Variants in EPHA10 observed in about 807,000 individuals in gnomAD.
EPHA10 encodes ephrin type-A receptor 10.
EPHA10 carries 120 observed loss-of-function variants against 109.7 expected under a neutral mutation model. That is an observed-to-expected ratio of 1.09 (90% confidence interval 0.94 to 1.27). The LOEUF is 1.27. Among genes scored for constraint, EPHA10 ranks in the 50% most tolerant of loss-of-function variants. The pLI is 0.00. For synonymous variants in EPHA10, 640 were observed against 618.9 expected (o/e 1.03, Z -0.51); for missense variants, 1,396 against 1,411.1 (o/e 0.99, Z 0.17).
At chr1:37,734,427 G>A (rs1646036103) in intron 6 of EPHA10, among the ~76,000 whole-genome samples, 1 of 152,116 alleles carries the variant, frequency 6.6e-6, no homozygotes. Flanking sequence ...CCAGCTACTT[G>A]GGAGGCTGAA....
At chr1:37,736,575 G>A (rs1464581474) in intron 5 of EPHA10, among the ~76,000 whole-genome samples, 1 of 151,818 alleles carries the variant, frequency 6.6e-6, no homozygotes, top group East Asian at 1.9e-4. Context: ...GGGCATGGTG[G>A]TGCGCGCCTG....
At position 37,765,102 on chromosome 1, in the gene EPHA10, C is replaced by G. The variant is rs963206855; in HGVS notation, c.-36G>C. On this transcript the variant is annotated 5_prime_UTR_variant, in exon 1 of 17. Transcript: ENST00000373048. ...CCGAGCTGTCAGTCCGGCGGCGGCT[C>G]AAGCCGCGCCAGCCTAGCACCGCTG... 1 of 1,543,682 alleles carries G rather than the reference C, an allele frequency of 6.5e-7. No homozygotes were observed. The highest frequency in any genetic ancestry group is 1.4e-5 in the African/African-American group (1 of 73,642).
At position 37,733,006 on chromosome 1, in the gene EPHA10, C is replaced by T. The variant is rs555862019; in HGVS notation, c.1492-1424G>A. ...TCCTGGGTTCAAGCAATTCTCCCTG[C>T]CTCAGCCTCCTGAGTAGCTGGGATT... On this transcript the variant is annotated intron_variant, in intron 6 of 16. Coordinates refer to ENST00000373048, the MANE Select transcript of EPHA10 (RefSeq NM_001099439.2). Among the ~76,000 whole-genome samples the T allele has an allele frequency of 1.7e-3, 249 of 149,396 alleles. 3 individuals are homozygous for T. Among genetic ancestry groups the T allele is most frequent in the East Asian group, 2.0e-3 (10 of 5,012 alleles).
intron 11 of EPHA10, 66 bp from the exon 12 acceptor site, chr1:37,720,910 C>A (rs1180251648): frequency 6.5e-7 from 1 of 1,548,170 alleles, no homozygotes; most frequent in Non-Finnish European, 8.9e-7. Context: ...CACAAGTTTC[C>A]CCCCCAGGGT....
At chr1:37,739,194 G>A (rs1646116290) in intron 5 of EPHA10, among the ~76,000 whole-genome samples, 1 of 151,976 alleles carries the variant, frequency 6.6e-6, no homozygotes, top group Non-Finnish European at 1.5e-5. Context: ...AGAATATATG[G>A]TGTAAACATA....
Position 37,720,907 on chromosome 1 carries a change from T to C in EPHA10, c.2147-63A>G, listed in dbSNP as rs1249591891. 5.1e-6 allele frequency: 8 copies of C among 1,564,642 alleles called. No homozygotes were observed. The African/African-American group carries it at 6.8e-5, about 13-fold the overall frequency. Reference sequence around the variant, plus strand: ...CACTCCACTCCGCACGCACACAAGTTTCCCCCCCAGGGTCCCAGACTGGGC... The same window carrying C: ...CACTCCACTCCGCACGCACACAAGTCTCCCCCCCAGGGTCCCAGACTGGGC... On this transcript the variant is annotated intron_variant, in intron 11 of 16. Coordinates refer to ENST00000373048, the MANE Select transcript of EPHA10 (RefSeq NM_001099439.2).
chr1:37,729,799 G>A (rs1332583423), intron 7 of EPHA10, among the ~76,000 whole-genome samples: 1 of 151,790 alleles, frequency 6.6e-6, no homozygotes, highest in Admixed American at 6.6e-5. Flanking sequence ...CTTAAGCCTG[G>A]AAAGTTGAGG....
intron 14 of EPHA10, 105 bp from the exon 15 acceptor site, chr1:37,719,712 A>G (rs1405525300): frequency 2.1e-6 from 3 of 1,414,838 alleles, no homozygotes; most frequent in African/African-American, 2.8e-5. Context: ...ACACACACAC[A>G]TGCGCACACA....
Position 37,762,097 on chromosome 1 carries a change from T to C in EPHA10, c.172-14A>G. The C allele has an allele frequency of 1.3e-6, 2 of 1,560,952 alleles. No homozygotes were observed. Among genetic ancestry groups the C allele is most frequent in the East Asian group, 2.3e-5 (1 of 44,382 alleles). On this transcript the variant is annotated splice_polypyrimidine_tract_variant and intron_variant, in intron 2 of 16. Coordinates refer to ENST00000373048, the MANE Select transcript of EPHA10 (RefSeq NM_001099439.2). ...GATCTCCTCCCACTGGGGACAAGAG[T>C]AAAGGGGTGGGCAGCCCAGAGCCAA...
At chr1:37,752,636 G>A (rs1489635370) in intron 5 of EPHA10, among the ~76,000 whole-genome samples, 1 of 152,138 alleles carries the variant, frequency 6.6e-6, no homozygotes, top group Non-Finnish European at 1.5e-5. Flanking sequence ...CCTCCCCTCT[G>A]GCCCAGTAGT....
At chr1:37,731,216 G>C (rs898270871) in intron 7 of EPHA10, among the ~76,000 whole-genome samples, 195 bp downstream of exon 7, 2 of 152,114 alleles carry the variant, frequency 1.3e-5, no homozygotes, top group Non-Finnish European at 2.9e-5. Flanking sequence ...TCTAATTCAC[G>C]TCGGTGAACA....
chr1:37,731,544 C>A lies in EPHA10; in HGVS notation c.1530G>T (p.Gly510=), dbSNP rs752391994. ...SEQTYSMVKT[G]APTVTVTNLK... is the part of the protein sequence containing the mutation. ...GGTTGGTGACGGTGACTGTGGGCGC[C>A]CCTGTCTTCACCATGGAGTAAGTCT... The change falls in exon 7 of 17, where the codon GGG becomes GGT. Residue 510 remains glycine (G), a synonymous_variant. Transcript: ENST00000373048. 70 of 1,613,808 alleles carry A rather than the reference C, an allele frequency of 4.3e-5. No homozygotes were observed. The Middle Eastern group carries it at 4.9e-4, about 11-fold the overall frequency.
Position 37,737,005 on chromosome 1 carries a change from G to A in EPHA10, c.1358-1615C>T, listed in dbSNP as rs528250593. On this transcript the variant is annotated intron_variant, in intron 5 of 16. Coordinates refer to ENST00000373048, the MANE Select transcript of EPHA10 (RefSeq NM_001099439.2). ...TTCATGGAATAGAACACTTAATACT[G>A]TTAAAATGTCTCTACTACCAAAAGT... Among the ~76,000 whole-genome samples the A allele has an allele frequency of 1.9e-4, 29 of 152,274 alleles. No individual in the cohort carries two copies. In the South Asian group the frequency reaches 5.6e-3, roughly 29 times the overall value.
At position 37,754,274 on chromosome 1, in the gene EPHA10, C is replaced by A; in HGVS notation, c.947G>T (p.Cys316Phe). The change falls in exon 4 of 17, where the codon TGC becomes TTC. Residue 316 changes from cysteine to phenylalanine, a missense_variant. Physicochemically the swap from Cys to Phe is radical, Grantham distance 205. Coordinates refer to ENST00000373048, the MANE Select transcript of EPHA10 (RefSeq NM_001099439.2). The surrounding 1 kb of genome is among the most constrained non-coding windows in gnomAD (Gnocchi z 4.5). ...GCGCGCATAGCTGTCCTGGCACACG[C>A]AGAAGGTGGAGGCGTTTTCCAGGGC... ...SRALENASTF[C>F]VCQDSYARSP... The A allele has an allele frequency of 1.5e-6, 2 of 1,319,984 alleles. No homozygotes were observed. The highest frequency in any genetic ancestry group is 9.7e-7 in the Non-Finnish European group (1 of 1,028,876). The allele number at this position is 1,319,984 out of a possible 1,614,324, so 81.8% of individuals were successfully genotyped here. A position where few individuals can be genotyped will look rare whatever the true frequency, so the allele number is the denominator to read the frequency against.
intron 5 of EPHA10, among the ~76,000 whole-genome samples, chr1:37,737,461 T>A (rs1358467646): frequency 6.6e-6 from 1 of 152,212 alleles, no homozygotes; most frequent in Non-Finnish European, 1.5e-5. Flanking sequence ...CCTCTCCATG[T>A]ATGGTCAAAT....
At position 37,721,715 on chromosome 1, in the gene EPHA10, C is replaced by A. The variant is rs368136461; in HGVS notation, c.2091G>T (p.Thr697=). 6.2e-6 allele frequency: 10 copies of A among 1,612,414 alleles called. No individual in the cohort carries two copies. Among genetic ancestry groups the A allele is most frequent in the African/African-American group, 4.0e-5 (3 of 75,034 alleles). Reference sequence around the variant, plus strand: ...TGTGGCTATGGTCAAACTGGCCCAGCGTGAGGGCCTCGGCCAGGAAGCCGA... The same window carrying A: ...TGTGGCTATGGTCAAACTGGCCCAGAGTGAGGGCCTCGGCCAGGAAGCCGA... The part of the protein sequence containing the change: ...QRLGFLAEAL[T]LGQFDHSHIV... The change falls in exon 11 of 17, where the codon ACG becomes ACT. Residue 697 remains threonine (T), a synonymous_variant. Coordinates refer to ENST00000373048, the MANE Select transcript of EPHA10 (RefSeq NM_001099439.2).
intron 3 of EPHA10, 35 bp downstream of exon 3, chr1:37,761,370 C>T (rs753562171): frequency 1.3e-5 from 20 of 1,595,532 alleles, no homozygotes; most frequent in South Asian, 1.0e-4. Flanking sequence ...CTACGCTCTA[C>T]ACTCCCACCC....
In EPHA10 at chr1:37,745,384, A is replaced by C. The variant is rs1646224453; in HGVS notation, c.1357+7492T>G. Among the ~76,000 whole-genome samples, 4 of 152,242 alleles carry C rather than the reference A, an allele frequency of 2.6e-5. No homozygotes were observed. The South Asian group carries it at 8.3e-4, about 31-fold the overall frequency. On this transcript the variant is annotated intron_variant, in intron 5 of 16. Coordinates refer to ENST00000373048, the MANE Select transcript of EPHA10 (RefSeq NM_001099439.2). ...ACTGTTTAAAAGACAAACAATAACA[A>C]GTATTGGTGAGGAGGCAGAGAAACT...
chr1:37,743,991 C>A (rs1230269905), intron 5 of EPHA10, among the ~76,000 whole-genome samples: 2 of 152,048 alleles, frequency 1.3e-5, no homozygotes, highest in Non-Finnish European at 2.9e-5. Flanking sequence ...AAAATTTTTA[C>A]CACGTACAAA....
Sources: gnomAD v4.1 joint callset for allele counts (sites outside exome capture counted in the v4.1 genomes callset) on GRCh38, gnomAD v4.1.1 for gene constraint, Gnocchi (gnomAD v3.1) non-coding constraint, MANE v1.5 for transcripts, NCBI Gene and HGNC (gene_info 2026-07-23, HGNC 2026-07-21) for gene names.